HMCN2: variants seen among roughly 807,000 people sequenced by gnomAD.
The protein encoded by HMCN2 is hemicentin 2, also known as hemicentin-2.
A neutral mutation model predicts 377.5 loss-of-function variants in HMCN2; 325 were observed. The observed-to-expected ratio is 0.86, with a 90% CI of 0.79 to 0.94. The LOEUF (loss-of-function observed/expected upper bound fraction) is 0.94, where lower values mean the gene tolerates loss of function less well. HMCN2 is among the 40% of genes least tolerant of loss of function. The pLI is 0.00. For missense variants in HMCN2, 4,543 were observed against 4,725.3 expected (o/e 0.96, Z 1.13); for synonymous variants, 2,007 against 2,046.8 (o/e 0.98, Z 0.53).
rs1839433879 is a variant in HMCN2, at chr9:130,347,153, T to C, written c.3830-13T>C. ...CAGGGTGTTTGTACTGATGACTCCA[T>C]GCACCCTGCCAGGAACGCCCAAGCC... On this transcript the variant is annotated splice_polypyrimidine_tract_variant and intron_variant, in intron 25 of 97. Coordinates refer to ENST00000683500, the MANE Select transcript of HMCN2 (RefSeq NM_001291815.2). This position sits in a 1 kb window ranked among gnomAD's most constrained non-coding sequence, Gnocchi z 5.1. 1 of 152,128 alleles carries C rather than the reference T, an allele frequency of 6.6e-6. No individual in the cohort carries two copies. Among genetic ancestry groups the C allele is most frequent in the East Asian group, 1.9e-4 (1 of 5,196 alleles). The allele number at this position is 152,128 out of a possible 1,614,324, so 9.4% of individuals were successfully genotyped here. A position where few individuals can be genotyped will look rare whatever the true frequency, so the allele number is the denominator to read the frequency against.
At position 130,428,621 on chromosome 9, in the gene HMCN2, T is replaced by A. The variant is rs1588449186; in HGVS notation, c.14197+132T>A. ...AGACTGGGACTCTTGGCAGAAGGAG[T>A]ACAGCAAGGCTGGGGACAAAGCCTG... is the stretch of plus-strand genomic sequence containing the variant. On this transcript the variant is annotated intron_variant, in intron 93 of 97. Coordinates refer to ENST00000683500, the MANE Select transcript of HMCN2 (RefSeq NM_001291815.2). The surrounding 1 kb of genome is among the most constrained non-coding windows in gnomAD (Gnocchi z 5.0). The A allele has an allele frequency of 2.3e-6, 3 of 1,282,830 alleles. No individual in the cohort carries two copies. The East Asian group carries it at 7.7e-5, about 33-fold the overall frequency. The allele number at this position is 1,282,830 out of a possible 1,614,324, so 79.5% of individuals were successfully genotyped here. A position where few individuals can be genotyped will look rare whatever the true frequency, so the allele number is the denominator to read the frequency against.
intron 45 of HMCN2, among the ~76,000 whole-genome samples, 180 bp from the exon 46 acceptor site, chr9:130,370,784 C>A (rs1038645009): frequency 6.6e-6 from 1 of 152,214 alleles, no homozygotes; most frequent in Non-Finnish European, 1.5e-5. Flanking sequence ...CAGCCTGTGG[C>A]GCCATGGGCT....
intron 32 of HMCN2, among the ~76,000 whole-genome samples, 193 bp from the exon 33 acceptor site, chr9:130,355,553 C>T (rs1839980711): frequency 6.6e-6 from 1 of 152,216 alleles, no homozygotes. Context: ...AGGCCCAAGC[C>T]TTTGGGGAGC....
intron 71 of HMCN2, 131 bp downstream of exon 71, chr9:130,395,478 C>A: frequency 2.7e-6 from 2 of 739,690 alleles, no homozygotes; most frequent in Non-Finnish European, 3.7e-6. Flanking sequence ...CCCTGTTCCC[C>A]GGGTGTCATA....
intron 11 of HMCN2, 120 bp downstream of exon 11, chr9:130,305,122 T>C: frequency 2.7e-6 from 1 of 375,088 alleles, no homozygotes; most frequent in Non-Finnish European, 5.5e-6. Flanking sequence ...TAGCAGCCTT[T>C]TCAGTGTTTT....
At chr9:130,277,811 CCATCATCATCATCACCACCACCATCAT>C (rs1834805712) in intron 1 of HMCN2, among the ~76,000 whole-genome samples, 1 of 72,630 alleles carries the variant, frequency 1.4e-5, no homozygotes, top group African/African-American at 5.7e-5. Context: ...ACCACCACCA[CCATCATCATCATCACCACCACCATCAT>C]CATCATCACC....
intron 83 of HMCN2, 120 bp from the exon 84 acceptor site, chr9:130,408,623 C>G (rs1241255410): frequency 1.9e-6 from 1 of 514,732 alleles, no homozygotes. Context: ...CCATGCTGTG[C>G]TAGCAGAAGC....
intron 46 of HMCN2, among the ~76,000 whole-genome samples, chr9:130,371,419 A>G (rs577438731): frequency 8.7e-4 from 132 of 152,050 alleles, no homozygotes; most frequent in African/African-American, 3.0e-3. Context: ...CTGCAGAAAA[A>G]AAAAAAACAA....
Position 130,302,877 on chromosome 9 carries a change from G to A in HMCN2, c.1297G>A (p.Ala433Thr), listed in dbSNP as rs1344965359. Residue 433 changes from alanine (A) to threonine (T), a missense_variant, in exon 9 of 98, where the codon GCC becomes ACC. Transcript: ENST00000683500. ...VAPGAPLVSM[A>T]PRIHGYLHQP... is the part of the protein sequence containing the mutation. ...TACAGGCGCTCCCCTCGTCAGCATG[G>A]CCCCCAGGATCCATGGCTACCTGCA... 3 of 468,248 alleles carry A rather than the reference G, an allele frequency of 6.4e-6. No individual in the cohort carries two copies. Among genetic ancestry groups the A allele is most frequent in the Non-Finnish European group, 1.3e-5 (3 of 225,352 alleles). The allele number at this position is 468,248 out of a possible 1,614,324, so 29.0% of individuals were successfully genotyped here.
At chr9:130,286,577 G>A (rs1835426276) in intron 4 of HMCN2, among the ~76,000 whole-genome samples, 2 of 152,238 alleles carry the variant, frequency 1.3e-5, no homozygotes, top group African/African-American at 4.8e-5. Flanking sequence ...AATTGTGCAG[G>A]TAAAGAGGCT....
chr9:130,355,783 G>A lies in HMCN2; in HGVS notation c.5184G>A (p.Gln1728=). ...TCCTGGTGGCTGAAGGCTTGGGACA[G>A]GTGACCACCATCGTGGGACAGCCCC... is the stretch of plus-strand genomic sequence containing the variant. ...PQLLVAEGLG[Q]VTTIVGQPLE... is the part of the protein sequence containing the mutation. Residue 1728 remains glutamine (Q), a synonymous_variant, in exon 33 of 98, where the codon CAG becomes CAA. Coordinates refer to ENST00000683500, the MANE Select transcript of HMCN2 (RefSeq NM_001291815.2). 1 of 1,303,760 alleles carries A rather than the reference G, an allele frequency of 7.7e-7. No individual in the cohort carries two copies. Among genetic ancestry groups the A allele is most frequent in the Non-Finnish European group, 1.0e-6 (1 of 988,942 alleles). The allele number at this position is 1,303,760 out of a possible 1,614,324, so 80.8% of individuals were successfully genotyped here. A position where few individuals can be genotyped will look rare whatever the true frequency, so the allele number is the denominator to read the frequency against.
In HMCN2 at chr9:130,364,789, G is replaced by A. The variant is rs1165990906; in HGVS notation, c.6308G>A (p.Ser2103Asn). Reference protein sequence around the residue: ...ANESVALECQSHAMPPPVLSW... With the variant: ...ANESVALECQNHAMPPPVLSW... ...GAGTCAGTGGCCCTGGAGTGCCAGAGCCACGCCATGCCCCCTCCTGTGCTG... is the reference window on the plus strand; with the variant it reads ...GAGTCAGTGGCCCTGGAGTGCCAGAACCACGCCATGCCCCCTCCTGTGCTG... The change falls in exon 41 of 98, where the codon AGC becomes AAC. Residue 2103 changes from serine (S) to asparagine (N), a missense_variant. By Grantham distance (46) the Ser-to-Asn change is conservative. Transcript: ENST00000683500. 3 of 985,860 alleles carry A rather than the reference G, an allele frequency of 3.0e-6. No homozygotes were observed. The highest frequency in any genetic ancestry group is 4.7e-5 in the South Asian group (1 of 21,294). 61.1% of individuals were successfully genotyped at this position (985,860 alleles called of 1,614,324 possible).
rs553696603 is a variant in HMCN2 at position 130,349,440 on chromosome 9, G to A, written c.4304-97G>A. 1.1e-4 allele frequency: 138 copies of A among 1,214,742 alleles called. 1 individual carries two copies. The South Asian group carries it at 1.8e-3, about 16-fold the overall frequency. 75.2% of individuals were successfully genotyped at this position (1,214,742 alleles called of 1,614,324 possible). On this transcript the variant is annotated intron_variant, in intron 28 of 97. Coordinates refer to ENST00000683500, the MANE Select transcript of HMCN2 (RefSeq NM_001291815.2). ...CCCAGGAAGGTCAGGTAGGAGGGGG[G>A]CCCAGGCTGGGGGGTCTGCACAGAC...
chr9:130,293,902 C>A (rs970644322), intron 4 of HMCN2, among the ~76,000 whole-genome samples: 1 of 151,962 alleles, frequency 6.6e-6, no homozygotes, highest in Admixed American at 6.6e-5. Context: ...CTTCAAGCAG[C>A]GAGCTGAAGT....
intron 48 of HMCN2, among the ~76,000 whole-genome samples, chr9:130,373,680 G>A (rs11243951): frequency 0.17 from 20,636 of 122,088 alleles, 4,256 homozygotes; most frequent in Non-Finnish European, 0.25. Context: ...TGGATGGATG[G>A]ATGGATGGAT....
intron 1 of HMCN2, among the ~76,000 whole-genome samples, chr9:130,271,816 G>A (rs1834425595): frequency 6.7e-6 from 1 of 149,110 alleles, no homozygotes; most frequent in South Asian, 2.1e-4. Context: ...GGAGTTGTAT[G>A]TTGTATATAT....
rs1835411563 is a variant in HMCN2, at chr9:130,286,325, GGGGCACCATCCCGGAGCCCATCACTC to G, written c.612+22_612+47del. ...AAGTGACAGAGGTGAGCACTGGGAG[GGGGCACCATCCCGGAGCCCATCACTC>G]GGGCACGGTGAGGACACTGACCATC... On this transcript the variant is annotated intron_variant, in intron 4 of 97. Coordinates refer to ENST00000683500, the MANE Select transcript of HMCN2 (RefSeq NM_001291815.2). 1 of 470,492 alleles carries G rather than the reference GGGGCACCATCCCGGAGCCCATCACTC, an allele frequency of 2.1e-6. No individual in the cohort carries two copies. Among genetic ancestry groups the G allele is most frequent in the Non-Finnish European group, 4.4e-6 (1 of 226,998 alleles). 29.1% of individuals were successfully genotyped at this position (470,492 alleles called of 1,614,324 possible).
chr9:130,302,438 C>T (rs1429191200), intron 8 of HMCN2, among the ~76,000 whole-genome samples: 2 of 152,216 alleles, frequency 1.3e-5, no homozygotes, highest in African/African-American at 2.4e-5. Flanking sequence ...CAAACCCACC[C>T]ATACCCCTGG....
intron 4 of HMCN2, among the ~76,000 whole-genome samples, chr9:130,294,337 A>C (rs559519378): frequency 1.3e-5 from 2 of 152,332 alleles, no homozygotes; most frequent in Admixed American, 6.5e-5. Context: ...TCAATATTGC[A>C]AAAATCCATC....
Sources: gnomAD v4.1 joint callset for allele counts (sites outside exome capture counted in the v4.1 genomes callset) on GRCh38, gnomAD v4.1.1 for gene constraint, Gnocchi (gnomAD v3.1) non-coding constraint, MANE v1.5 for transcripts, NCBI Gene and HGNC (gene_info 2026-07-23, HGNC 2026-07-21) for gene names.